The following KCNIP4 variants were observed in gnomAD, a reference collection of about 807,000 sequenced individuals.
The protein encoded by KCNIP4 is potassium voltage-gated channel interacting protein 4.
KCNIP4 carries 12 observed loss-of-function variants against 34.0 expected under a neutral mutation model. The observed-to-expected ratio is 0.35, with a 90% CI of 0.23 to 0.57. The LOEUF is 0.57. Ranked by LOEUF, KCNIP4 falls within the 20% of genes least tolerant of loss-of-function variation. The probability of loss-of-function intolerance (pLI) is 0.83; values close to 1 mark genes in which losing one functional copy is unlikely to be tolerated. For synonymous variants in KCNIP4, 124 were observed against 102.2 expected, an observed-to-expected ratio of 1.21 and a Z score of -1.29; for missense variants, 238 against 311.7, an observed-to-expected ratio of 0.76 and a Z score of 1.78.
chr4:20,945,427 C>T (rs950655174), intron 1 of KCNIP4, among the ~76,000 whole-genome samples: 6 of 152,078 alleles, frequency 3.9e-5, no homozygotes, highest in Admixed American at 6.6e-5. Flanking sequence ...CCTTTGTTTC[C>T]GTAACACTAA....
intron 1 of KCNIP4, among the ~76,000 whole-genome samples, chr4:21,798,628 T>A (rs890930862): frequency 6.8e-6 from 1 of 147,832 alleles, no homozygotes; most frequent in African/African-American, 2.5e-5. Flanking sequence ...TATTCTCCAA[T>A]AGATTAAGAG....
chr4:20,983,638 A>T (rs1162006101), intron 1 of KCNIP4, among the ~76,000 whole-genome samples: 3 of 152,190 alleles, frequency 2.0e-5, no homozygotes, highest in Admixed American at 6.5e-5. Context: ...TTCCCTTCTA[A>T]TATCAAATAT....
At chr4:21,550,095 G>T (rs143141670) in intron 1 of KCNIP4, among the ~76,000 whole-genome samples, 2 of 152,196 alleles carry the variant, frequency 1.3e-5, no homozygotes, top group East Asian at 1.9e-4. Context: ...AACCCCCTTA[G>T]ATTTGTCTGC....
At chr4:21,039,825 T>C (rs1741792517) in intron 1 of KCNIP4, among the ~76,000 whole-genome samples, 1 of 152,200 alleles carries the variant, frequency 6.6e-6, no homozygotes, top group Non-Finnish European at 1.5e-5. Flanking sequence ...AGTGAACATA[T>C]AAAGCAGCCT....
chr4:20,852,383 T>C lies in KCNIP4; in HGVS notation c.164-1716A>G, dbSNP rs190562544. ...AGAATTAAAAACAAAAATCACACGA[T>C]CATCTCAGTAGATGCTGAAAACCAT... On this transcript the variant is annotated intron_variant, in intron 2 of 8. Coordinates refer to ENST00000382152, the MANE Select transcript of KCNIP4 (RefSeq NM_025221.6). Among the ~76,000 whole-genome samples the C allele has an allele frequency of 8.6e-4, 131 of 152,270 alleles. 1 individual carries two copies. Among genetic ancestry groups the C allele is most frequent in the African/African-American group, 3.0e-3 (124 of 41,562 alleles).
At chr4:21,059,717 A>C (rs1040798210) in intron 1 of KCNIP4, among the ~76,000 whole-genome samples, 1 of 152,148 alleles carries the variant, frequency 6.6e-6, no homozygotes, top group African/African-American at 2.4e-5. Context: ...TAAGCAGAAA[A>C]TAAAAACTAC....
At chr4:20,854,895 T>C (rs1721412122) in intron 2 of KCNIP4, among the ~76,000 whole-genome samples, 1 of 152,220 alleles carries the variant, frequency 6.6e-6, no homozygotes, top group Non-Finnish European at 1.5e-5. Flanking sequence ...TTGTGAATTA[T>C]GTTTACGCTA....
At chr4:21,838,877 TA>T (rs1311850506) in intron 1 of KCNIP4, among the ~76,000 whole-genome samples, 1 of 152,254 alleles carries the variant, frequency 6.6e-6, no homozygotes, top group Non-Finnish European at 1.5e-5. Context: ...TTCTCTTGAA[TA>T]TCTCATTCCC....
At chr4:21,320,964 T>TTAAAAAA (rs1553860312) in intron 1 of KCNIP4, among the ~76,000 whole-genome samples, 6 of 102,900 alleles carry the variant, frequency 5.8e-5, no homozygotes, top group South Asian at 3.2e-4. Flanking sequence ...GAATCTGTCT[T>TTAAAAAA]AAAAAAAAAA....
chr4:21,196,296 C>T (rs1756053122), intron 1 of KCNIP4, among the ~76,000 whole-genome samples: 1 of 152,124 alleles, frequency 6.6e-6, no homozygotes, highest in South Asian at 2.1e-4. Flanking sequence ...TTTGTCCCTC[C>T]TTAATTAAGT....
chr4:21,410,575 C>T lies in KCNIP4; in HGVS notation c.62-527866G>A, dbSNP rs142651076. Among the ~76,000 whole-genome samples, 568 of 152,232 alleles carry T rather than the reference C, an allele frequency of 3.7e-3. 3 individuals are homozygous for T. The highest frequency in any genetic ancestry group is 0.013 in the African/African-American group (533 of 41,550). On this transcript the variant is annotated intron_variant, in intron 1 of 8. Coordinates refer to ENST00000382152, the MANE Select transcript of KCNIP4 (RefSeq NM_025221.6). ...CACCTTGTTAGCCATGTGAGTGAAC[C>T]ATCGAGTGGATCAGCCAGCCACAGT...
At chr4:21,247,865 TAC>T (rs546614225) in intron 1 of KCNIP4, among the ~76,000 whole-genome samples, 19 of 122,416 alleles carry the variant, frequency 1.6e-4, no homozygotes, top group African/African-American at 2.7e-4. Context: ...TATATATATA[TAC>T]ACACACACAC....
At chr4:20,941,357 G>T (rs1560587410) in intron 1 of KCNIP4, among the ~76,000 whole-genome samples, 2 of 152,280 alleles carry the variant, frequency 1.3e-5, no homozygotes, top group African/African-American at 4.8e-5. Flanking sequence ...AAGAAATTGG[G>T]TAAACTTTTC....
intron 5 of KCNIP4, among the ~76,000 whole-genome samples, chr4:20,741,969 G>A (rs551020629): frequency 2.3e-4 from 35 of 152,300 alleles, no homozygotes; most frequent in African/African-American, 8.2e-4. Flanking sequence ...AGAAAATCTA[G>A]AAGAATGGAT....
chr4:21,258,527 A>G (rs1441004402), intron 1 of KCNIP4, among the ~76,000 whole-genome samples: 1 of 152,210 alleles, frequency 6.6e-6, no homozygotes, highest in East Asian at 1.9e-4. Context: ...ACCTAAAGTT[A>G]TGAATAATCA....
chr4:21,800,109 C>G (rs1205909438), intron 1 of KCNIP4, among the ~76,000 whole-genome samples: 1 of 152,160 alleles, frequency 6.6e-6, no homozygotes, highest in Non-Finnish European at 1.5e-5. Context: ...ATTCTCCAGC[C>G]TCCTAAGGAG....
intron 3 of KCNIP4, among the ~76,000 whole-genome samples, chr4:20,793,379 GCTGT>G (rs1212274731): frequency 6.6e-6 from 1 of 152,046 alleles, no homozygotes; most frequent in Admixed American, 6.6e-5. Context: ...TAGATCAATG[GCTGT>G]CTGTGAATGA....
intron 1 of KCNIP4, among the ~76,000 whole-genome samples, chr4:21,607,342 A>C (rs1019123690): frequency 6.6e-6 from 1 of 152,180 alleles, no homozygotes; most frequent in Non-Finnish European, 1.5e-5. Flanking sequence ...TACTCAATTA[A>C]AATGAACAAT....
chr4:21,120,072 C>T (rs959084942), intron 1 of KCNIP4, among the ~76,000 whole-genome samples: 2 of 152,182 alleles, frequency 1.3e-5, no homozygotes, highest in South Asian at 2.1e-4. Flanking sequence ...TTCAGCAGTG[C>T]AAGGGAGACC....
Sources: gnomAD v4.1 joint callset for allele counts (sites outside exome capture counted in the v4.1 genomes callset) on GRCh38, gnomAD v4.1.1 for gene constraint, MANE v1.5 for transcripts, NCBI Gene and HGNC (gene_info 2026-07-23, HGNC 2026-07-21) for gene names.